RYR3: variants seen among roughly 807,000 people sequenced by gnomAD.
The protein encoded by RYR3 is brain ryanodine receptor-calcium release channel.
RYR3 carries 207 observed loss-of-function variants against 584.3 expected under a neutral mutation model. That is an observed-to-expected ratio of 0.35 (90% CI 0.32 to 0.40). The LOEUF (loss-of-function observed/expected upper bound fraction) is 0.40. RYR3 is among the 10% of genes least tolerant of loss of function. The probability of loss-of-function intolerance (pLI) is 1.00; values close to 1 mark genes in which losing one functional copy is unlikely to be tolerated. For missense variants in RYR3, 5,616 were observed against 6,089.2 expected, an observed-to-expected ratio of 0.92 and a Z score of 2.59; for synonymous variants, 2,416 against 2,248.5, an observed-to-expected ratio of 1.07 and a Z score of -2.11.
At chr15:33,471,203 C>A (rs2048895325) in intron 1 of RYR3, among the ~76,000 whole-genome samples, 2 of 152,176 alleles carry the variant, frequency 1.3e-5, no homozygotes, top group Admixed American at 1.3e-4. Context: ...GCAGCCAGGT[C>A]AGCATGGTTG....
At chr15:33,751,030 C>T (rs1164468192) in intron 57 of RYR3, among the ~76,000 whole-genome samples, 1 of 152,112 alleles carries the variant, frequency 6.6e-6, no homozygotes, top group Non-Finnish European at 1.5e-5. Flanking sequence ...TGATGGTTTC[C>T]AGCATTATCT....
chr15:33,379,687 C>CTCTCTCTCTCTCTCTCTA, intron 1 of RYR3, among the ~76,000 whole-genome samples: 2 of 125,518 alleles, frequency 1.6e-5, no homozygotes, highest in African/African-American at 7.1e-5. Flanking sequence ...CTCTCTCTCT[C>CTCTCTCTCTCTCTCTCTA]TATATATATA....
intron 19 of RYR3, 118 bp downstream of exon 19, chr15:33,613,493 A>G (rs570766057): frequency 1.4e-4 from 145 of 1,063,540 alleles, no homozygotes; most frequent in Middle Eastern, 7.2e-4. Flanking sequence ...TAAGTTCCCC[A>G]GGACAGTGAT....
chr15:33,574,456 G>A (rs1482008726), intron 12 of RYR3, among the ~76,000 whole-genome samples: 1 of 152,088 alleles, frequency 6.6e-6, no homozygotes, highest in East Asian at 1.9e-4. Context: ...CACTATTTTT[G>A]TGTCTAATAA....
At chr15:33,339,650 G>C (rs934972419) in intron 1 of RYR3, among the ~76,000 whole-genome samples, 1 of 152,154 alleles carries the variant, frequency 6.6e-6, no homozygotes, top group Non-Finnish European at 1.5e-5. Flanking sequence ...AGCACTTTGG[G>C]AGGCCGAGGC....
chr15:33,491,770 G>T lies in RYR3; in HGVS notation c.172-11861G>T, dbSNP rs192320292. On this transcript the variant is annotated intron_variant, in intron 2 of 103. Transcript: ENST00000634891. ...TGGTTGGACAGATGTAGCATTAGACGTGGTATTTCCTGGCCAGTCCCCCCA... is the reference window on the plus strand; with the variant it reads ...TGGTTGGACAGATGTAGCATTAGACTTGGTATTTCCTGGCCAGTCCCCCCA... Among the ~76,000 whole-genome samples, 11 of 152,200 alleles carry T rather than the reference G, an allele frequency of 7.2e-5. No individual in the cohort carries two copies. The East Asian group carries it at 2.1e-3, about 29-fold the overall frequency.
At chr15:33,700,845 AG>A (rs914484065) in intron 41 of RYR3, 131 bp from the exon 42 acceptor site, 1 of 581,776 alleles carries the variant, frequency 1.7e-6, no homozygotes, top group African/African-American at 1.8e-5. Flanking sequence ...GTCCCATTGG[AG>A]AACGGTCATG....
intron 1 of RYR3, among the ~76,000 whole-genome samples, chr15:33,416,100 C>T (rs889190292): frequency 6.6e-6 from 1 of 152,148 alleles, no homozygotes; most frequent in Non-Finnish European, 1.5e-5. Flanking sequence ...ATCTAATCCA[C>T]CATTGATGGG....
chr15:33,608,173 C>T (rs1315573704), intron 18 of RYR3, among the ~76,000 whole-genome samples: 3 of 152,174 alleles, frequency 2.0e-5, no homozygotes, highest in African/African-American at 4.8e-5. Context: ...TACCACTGTG[C>T]CCATTTTACA....
At chr15:33,444,475 G>A (rs2046464105) in intron 1 of RYR3, among the ~76,000 whole-genome samples, 1 of 152,178 alleles carries the variant, frequency 6.6e-6, no homozygotes, top group Non-Finnish European at 1.5e-5. Flanking sequence ...TACTAGCTGT[G>A]CACATAACTT....
At position 33,663,673 on chromosome 15, in the gene RYR3, T is replaced by C. The variant is rs1213849343; in HGVS notation, c.5555T>C (p.Leu1852Pro). The change falls in exon 36 of 104, where the codon CTG becomes CCG. Residue 1852 changes from leucine (L) to proline (P), a missense_variant. By Grantham distance (98) the Leu-to-Pro change is moderately conservative. Transcript: ENST00000634891. ...KFRYNELMQA[L>P]NMSAALTARK... Reference sequence around the variant, plus strand: ...CGCTACAATGAGCTCATGCAGGCCCTGAACATGTCTGCGGCCCTGACTGCC... The same window carrying C: ...CGCTACAATGAGCTCATGCAGGCCCCGAACATGTCTGCGGCCCTGACTGCC... The C allele has an allele frequency of 1.9e-6, 3 of 1,612,476 alleles. No homozygotes were observed. Among genetic ancestry groups the C allele is most frequent in the Non-Finnish European group, 2.5e-6 (3 of 1,179,518 alleles).
intron 6 of RYR3, 118 bp downstream of exon 6, chr15:33,539,580 A>G: frequency 3.2e-6 from 2 of 620,678 alleles, no homozygotes; most frequent in East Asian, 2.9e-5. Flanking sequence ...TTACATATAT[A>G]GAGTTGACCC....
At chr15:33,690,840 A>G (rs994170615) in intron 38 of RYR3, among the ~76,000 whole-genome samples, 8 of 152,164 alleles carry the variant, frequency 5.3e-5, no homozygotes, top group East Asian at 1.9e-4. Context: ...ATTGACAAAT[A>G]TTTAAATATT....
In RYR3 at chr15:33,660,284, A is replaced by G. The variant is rs553354987; in HGVS notation, c.4483A>G (p.Ile1495Val). The stretch of plus-strand genomic sequence containing the variant: ...TCCACCTCGGCTGGACGTCCAAACC[A>G]TCCAGCCCGTGCTCTGGAGCCGCAT... Reference protein sequence around the residue: ...QCPPRLDVQTIQPVLWSRMPN... With the variant: ...QCPPRLDVQTVQPVLWSRMPN... Residue 1495 changes from isoleucine to valine, a missense_variant, in exon 34 of 104, where the codon ATC (isoleucine) becomes GTC (valine). Physicochemically the swap from Ile to Val is conservative, Grantham distance 29. This residue lies in a region of RYR3 where 753 missense variants were observed against 741.0 expected (regional missense o/e 1.02). Coordinates refer to ENST00000634891, the MANE Select transcript of RYR3 (RefSeq NM_001036.6). 2.0e-5 allele frequency: 32 copies of G among 1,563,072 alleles called. No individual in the cohort carries two copies. Among genetic ancestry groups the G allele is most frequent in the African/African-American group, 4.1e-5 (3 of 73,550 alleles).
chr15:33,684,346 C>A (rs1025728730), intron 38 of RYR3, among the ~76,000 whole-genome samples: 36 of 152,136 alleles, frequency 2.4e-4, no homozygotes, highest in African/African-American at 8.5e-4. Flanking sequence ...GATACCCAGG[C>A]AAACAGAGTC....
At chr15:33,417,921 C>T (rs553156257) in intron 1 of RYR3, among the ~76,000 whole-genome samples, 1 of 152,216 alleles carries the variant, frequency 6.6e-6, no homozygotes, top group African/African-American at 2.4e-5. Context: ...GTTTTTTCTT[C>T]ATCTATTGAG....
chr15:33,756,173 T>G, intron 58 of RYR3, 133 bp from the exon 59 acceptor site: 1 of 706,176 alleles, frequency 1.4e-6, no homozygotes, highest in Non-Finnish European at 2.6e-6. Context: ...GTAAAGTACT[T>G]TGTAAGATAT....
At chr15:33,738,245 G>T (rs954799217) in intron 49 of RYR3, among the ~76,000 whole-genome samples, 1 of 152,112 alleles carries the variant, frequency 6.6e-6, no homozygotes, top group Non-Finnish European at 1.5e-5. Flanking sequence ...AGGCAGATCC[G>T]CTCAGGCTCA....
chr15:33,316,928 G>A (rs1968257799), intron 1 of RYR3, among the ~76,000 whole-genome samples: 1 of 152,138 alleles, frequency 6.6e-6, no homozygotes, highest in South Asian at 2.1e-4. Context: ...GGATCTCTGG[G>A]CAATTACTTC....
Sources: allele counts gnomAD v4.1 joint callset (sites outside exome capture counted in the v4.1 genomes callset), GRCh38; gene constraint gnomAD v4.1.1; regional missense constraint gnomAD v4.1.1; transcripts MANE v1.5; gene names NCBI Gene and HGNC (gene_info 2026-07-23, HGNC 2026-07-21).